Variants in KIF26B observed in about 807,000 individuals in gnomAD.
The protein encoded by KIF26B is kinesin-like protein KIF26B.
Under a neutral mutation model 151.2 loss-of-function variants are expected in KIF26B, and 63 were observed. The ratio of observed to expected loss-of-function variants is 0.42; its 90% CI spans 0.34 to 0.51. KIF26B has a LOEUF of 0.51. Ranked by LOEUF, KIF26B falls within the 20% of genes least tolerant of loss-of-function variation. The pLI is 0.07. For missense variants in KIF26B, 2,813 were observed against 2,913.6 expected (o/e 0.97, Z 0.79); for synonymous variants, 1,357 against 1,262.1 (o/e 1.08, Z -1.59).
chr1:245,419,693 G>A lies in KIF26B; in HGVS notation c.1114G>A (p.Val372Met), dbSNP rs377008899. The A allele has an allele frequency of 2.5e-5, 41 of 1,613,534 alleles. No individual in the cohort carries two copies. In the African/African-American group the frequency reaches 3.7e-4, roughly 15 times the overall value. Residue 372 changes from valine to methionine, a missense_variant, in exon 4 of 15, where the codon GTG (valine) becomes ATG (methionine). Physicochemically the swap from Val to Met is conservative, Grantham distance 21 (BLOSUM62 1). Coordinates refer to ENST00000407071, the MANE Select transcript of KIF26B (RefSeq NM_018012.4). ...CSVPASQGSC[V>M]ASETSTGTSV... The stretch of plus-strand genomic sequence containing the variant: ...TGTCCCAGCCTCGCAGGGCTCCTGC[G>A]TGGCCAGCGAGACTTCCACAGGCAC...
intron 5 of KIF26B, among the ~76,000 whole-genome samples, chr1:245,591,959 C>T (rs530773856): frequency 1.3e-5 from 2 of 152,312 alleles, no homozygotes; most frequent in East Asian, 3.9e-4. Context: ...CAACTCCCTC[C>T]CTCCAGCGCG....
At chr1:245,676,307 AC>A (rs1303806938) in intron 10 of KIF26B, 1 of 152,228 alleles carries the variant, frequency 6.6e-6, no homozygotes, top group African/African-American at 2.4e-5. Flanking sequence ...CATGGTTGTC[AC>A]TGCGATGATG....
chr1:245,504,074 A>G (rs1318912128), intron 4 of KIF26B, among the ~76,000 whole-genome samples: 1 of 152,092 alleles, frequency 6.6e-6, no homozygotes, highest in South Asian at 2.1e-4. Context: ...GCTTTCTGTC[A>G]TATCTTCTCT....
chr1:245,665,694 G>A (rs1238707682), intron 10 of KIF26B, among the ~76,000 whole-genome samples: 1 of 145,152 alleles, frequency 6.9e-6, no homozygotes, highest in Non-Finnish European at 1.5e-5. Context: ...TTCTCAGCTT[G>A]GAACATTATA....
intron 2 of KIF26B, among the ~76,000 whole-genome samples, chr1:245,263,667 C>A (rs948721101): frequency 1.3e-5 from 2 of 152,186 alleles, no homozygotes; most frequent in Non-Finnish European, 2.9e-5. Context: ...GCTTCCTAGA[C>A]CCCTTGGGAG....
At chr1:245,699,850 A>G (rs903499646) in intron 14 of KIF26B, among the ~76,000 whole-genome samples, 4 of 152,132 alleles carry the variant, frequency 2.6e-5, no homozygotes, top group Non-Finnish European at 5.9e-5. Context: ...AGTCTTCCCC[A>G]GCCAGTGTGG....
intron 4 of KIF26B, among the ~76,000 whole-genome samples, chr1:245,536,951 C>T (rs1661498537): frequency 6.6e-6 from 1 of 152,230 alleles, no homozygotes; most frequent in African/African-American, 2.4e-5. Flanking sequence ...TACAGCATCA[C>T]TTCCATTACA....
chr1:245,512,877 G>A lies in KIF26B; in HGVS notation c.1167-27890G>A, dbSNP rs1027410709. On this transcript the variant is annotated intron_variant, in intron 4 of 14. Coordinates refer to ENST00000407071, the MANE Select transcript of KIF26B (RefSeq NM_018012.4). This position sits in a 1 kb window ranked among gnomAD's most constrained non-coding sequence, Gnocchi z 4.3. ...AAAACCTAGAGCAAAAATCATGCCG[G>A]GGAAAGGAAAATCATTAAAAAACAA... Among the ~76,000 whole-genome samples the A allele has an allele frequency of 2.6e-5, 4 of 152,024 alleles. No individual in the cohort carries two copies. Among genetic ancestry groups the A allele is most frequent in the African/African-American group, 9.7e-5 (4 of 41,386 alleles).
intron 4 of KIF26B, among the ~76,000 whole-genome samples, chr1:245,453,971 A>AC (rs1197547963): frequency 5.3e-5 from 8 of 152,324 alleles, no homozygotes; most frequent in South Asian, 2.1e-4. Context: ...TGGGCCACAA[A>AC]CCCACCTAAG....
chr1:245,408,720 C>T (rs1275542606), intron 3 of KIF26B, among the ~76,000 whole-genome samples: 1 of 152,126 alleles, frequency 6.6e-6, no homozygotes, highest in Non-Finnish European at 1.5e-5. Context: ...GAGGGTGGCT[C>T]TACTTGAGCC....
At chr1:245,432,504 G>A (rs976336090) in intron 4 of KIF26B, among the ~76,000 whole-genome samples, 1 of 152,178 alleles carries the variant, frequency 6.6e-6, no homozygotes, top group African/African-American at 2.4e-5. Flanking sequence ...TACAGGACTA[G>A]CACAAACAAA....
intron 3 of KIF26B, among the ~76,000 whole-genome samples, chr1:245,410,847 A>G (rs932382788): frequency 2.6e-5 from 4 of 152,206 alleles, no homozygotes; most frequent in African/African-American, 4.8e-5. Context: ...TTACACAACC[A>G]TCACCACCAT....
At chr1:245,433,608 G>T (rs1658833717) in intron 4 of KIF26B, among the ~76,000 whole-genome samples, 1 of 152,142 alleles carries the variant, frequency 6.6e-6, no homozygotes, top group Non-Finnish European at 1.5e-5. Flanking sequence ...AGGATAAATG[G>T]CATATTTTCC....
chr1:245,356,487 G>A (rs1250771254), intron 2 of KIF26B, among the ~76,000 whole-genome samples: 1 of 152,078 alleles, frequency 6.6e-6, no homozygotes, highest in African/African-American at 2.4e-5. Context: ...AACCTAGGAG[G>A]CAGAGGTTGC....
chr1:245,288,498 C>T (rs1671203001), intron 2 of KIF26B, among the ~76,000 whole-genome samples: 2 of 152,156 alleles, frequency 1.3e-5, no homozygotes, highest in African/African-American at 4.8e-5. Flanking sequence ...GAAAAGGTGG[C>T]ACTCGTGTGG....
chr1:245,312,586 T>C (rs1261179160), intron 2 of KIF26B, among the ~76,000 whole-genome samples: 1 of 151,938 alleles, frequency 6.6e-6, no homozygotes, highest in East Asian at 1.9e-4. Flanking sequence ...ACACACATTT[T>C]CCCTTTGGAC....
chr1:245,365,908 T>C (rs1672938321), intron 2 of KIF26B, among the ~76,000 whole-genome samples: 1 of 152,218 alleles, frequency 6.6e-6, no homozygotes, highest in Admixed American at 6.5e-5. Context: ...CAACGAACAC[T>C]CCTGGTGCTT....
chr1:245,203,885 G>C (rs572709335), intron 2 of KIF26B, among the ~76,000 whole-genome samples: 1 of 152,152 alleles, frequency 6.6e-6, no homozygotes, highest in Non-Finnish European at 1.5e-5. Flanking sequence ...AGAGGGGAGC[G>C]GGTGCTGCCA....
chr1:245,242,799 G>A lies in KIF26B; in HGVS notation c.465+86116G>A, dbSNP rs774115271. Among the ~76,000 whole-genome samples, 17 of 151,626 alleles carry A rather than the reference G, an allele frequency of 1.1e-4. 1 individual carries two copies. The highest frequency in any genetic ancestry group is 3.9e-4 in the East Asian group (2 of 5,176). ...CCTGAGTAGCTGGGATTACAGGCAC[G>A]CACCACCACAACTGGCTAATTTTTG... On this transcript the variant is annotated intron_variant, in intron 2 of 14. Transcript: ENST00000407071.
Sources: gnomAD v4.1 joint callset for allele counts (sites outside exome capture counted in the v4.1 genomes callset) on GRCh38, gnomAD v4.1.1 for gene constraint, Gnocchi (gnomAD v3.1) non-coding constraint, MANE v1.5 for transcripts, NCBI Gene and HGNC (gene_info 2026-07-23, HGNC 2026-07-21) for gene names.